SEC13: variants seen among roughly 807,000 people sequenced by gnomAD.
SEC13 encodes the protein protein SEC13 homolog.
Under a neutral mutation model 49.2 loss-of-function variants are expected in SEC13, and 25 were observed. That is an observed-to-expected ratio of 0.51 (90% CI 0.37 to 0.71). The LOEUF (loss-of-function observed/expected upper bound fraction) is 0.71, where lower values mean the gene tolerates loss of function less well. Ranked by LOEUF, SEC13 falls within the 30% of genes least tolerant of loss-of-function variation. The pLI, the probability that SEC13 is intolerant of heterozygous loss-of-function variation, is 0.00. For synonymous variants in SEC13, 148 were observed against 163.9 expected (o/e 0.90, Z 0.74); for missense variants, 383 against 417.6 (o/e 0.92, Z 0.72).
At chr3:10,309,843 A>G (rs1701139220) in intron 5 of SEC13, among the ~76,000 whole-genome samples, 1 of 152,246 alleles carries the variant, frequency 6.6e-6, no homozygotes, top group Admixed American at 6.5e-5. Flanking sequence ...GTCTAAGCTC[A>G]GAACTCTCCC....
intron 8 of SEC13, among the ~76,000 whole-genome samples, chr3:10,301,654 G>A (rs960716925): frequency 6.6e-6 from 1 of 152,210 alleles, no homozygotes; most frequent in African/African-American, 2.4e-5. Context: ...ATATGGGGTG[G>A]CGGGGAGCAG....
chr3:10,318,311 T>C (rs1237540254), intron 1 of SEC13, among the ~76,000 whole-genome samples: 1 of 152,098 alleles, frequency 6.6e-6, no homozygotes, highest in Non-Finnish European at 1.5e-5. Context: ...TCGCGAATAA[T>C]GCTAGTGTCG....
intron 5 of SEC13, among the ~76,000 whole-genome samples, chr3:10,307,519 T>C (rs541125434): frequency 6.6e-4 from 96 of 144,930 alleles, no homozygotes; most frequent in Non-Finnish European, 5.6e-4. Flanking sequence ...CTCACAATCA[T>C]GGCAGAAGGC....
intron 5 of SEC13, among the ~76,000 whole-genome samples, chr3:10,308,672 T>C (rs1389188331): frequency 2.0e-5 from 3 of 151,462 alleles, no homozygotes; most frequent in African/African-American, 7.3e-5. Flanking sequence ...CTGACAATAA[T>C]CTAATTGTCT....
chr3:10,306,191 T>G (rs1045196519), intron 5 of SEC13, among the ~76,000 whole-genome samples: 1 of 152,226 alleles, frequency 6.6e-6, no homozygotes, highest in Non-Finnish European at 1.5e-5. Flanking sequence ...ATTAAACATT[T>G]TTTTGGATGT....
chr3:10,314,137 A>ACG (rs1701458603), intron 3 of SEC13, among the ~76,000 whole-genome samples: 1 of 151,988 alleles, frequency 6.6e-6, no homozygotes, highest in African/African-American at 2.4e-5. Flanking sequence ...TTTTTTTGAG[A>ACG]AGGGTTTCAC....
At chr3:10,311,563 A>G (rs1200630102) in intron 5 of SEC13, 31 of 864,036 alleles carry the variant, frequency 3.6e-5, no homozygotes, top group Non-Finnish European at 4.2e-5. Context: ...AAGTTGGGTA[A>G]AGAATGACCT....
At chr3:10,312,126 C>G in intron 4 of SEC13, 28 bp from the exon 5 acceptor site, 1 of 1,567,694 alleles carries the variant, frequency 6.4e-7, no homozygotes, top group Non-Finnish European at 8.7e-7. Context: ...GTGCAGTGAG[C>G]AAAGCAGGGA....
At chr3:10,308,173 A>T (rs1000513850) in intron 5 of SEC13, among the ~76,000 whole-genome samples, 1 of 152,192 alleles carries the variant, frequency 6.6e-6, no homozygotes. Context: ...CATCACCTCA[A>T]TCAAGATAAG....
chr3:10,314,630 C>T (rs154236), intron 3 of SEC13, among the ~76,000 whole-genome samples: 104,501 of 152,056 alleles, frequency 0.69, 36,629 homozygotes, highest in East Asian at 0.96. Context: ...TGGAGATCCA[C>T]GGCACCCAGG....
In SEC13 at chr3:10,304,180, G is replaced by A; in HGVS notation, c.709-8C>T. 2.5e-6 allele frequency: 4 copies of A among 1,613,826 alleles called. No homozygotes were observed. The highest frequency in any genetic ancestry group is 3.4e-6 in the Non-Finnish European group (4 of 1,179,890). Reference sequence around the variant, plus strand: ...AATGAACACACGACCATCCTAGGAAGAAACAGGATAGAGTCAGGAGGTGGA... The same window carrying A: ...AATGAACACACGACCATCCTAGGAAAAAACAGGATAGAGTCAGGAGGTGGA... On this transcript the variant is annotated splice_region_variant and splice_polypyrimidine_tract_variant and intron_variant, in intron 7 of 8. Coordinates refer to ENST00000350697, the MANE Select transcript of SEC13 (RefSeq NM_183352.3).
At chr3:10,303,179 T>C (rs1380569497) in intron 8 of SEC13, among the ~76,000 whole-genome samples, 2 of 152,152 alleles carry the variant, frequency 1.3e-5, no homozygotes, top group Admixed American at 1.3e-4. Flanking sequence ...GGAGCCAAAG[T>C]GGCCACTGGG....
intron 5 of SEC13, among the ~76,000 whole-genome samples, chr3:10,309,228 C>T (rs536694352): frequency 1.3e-5 from 2 of 152,090 alleles, no homozygotes; most frequent in African/African-American, 4.8e-5. Flanking sequence ...TGAGCCACTG[C>T]GCCCGGCTGA....
At position 10,320,886 on chromosome 3, in the gene SEC13, G is replaced by A. The variant is rs11915380; in HGVS notation, c.3+164C>T. The A allele has an allele frequency of 3.4e-3, 4,908 of 1,426,566 alleles. 145 individuals are homozygous for A. The African/African-American group carries it at 0.064, about 19-fold the overall frequency. The allele number at this position is 1,426,566 out of a possible 1,614,324, so 88.4% of individuals were successfully genotyped here. A position where few individuals can be genotyped will look rare whatever the true frequency, so the allele number is the denominator to read the frequency against. On this transcript the variant is annotated intron_variant, in intron 1 of 8. Coordinates refer to ENST00000350697, the MANE Select transcript of SEC13 (RefSeq NM_183352.3). Reference sequence around the variant, plus strand: ...TCGGCCTCACCTCTGGACTCCCCTCGGAATGGTCCGCAAGGACGGGGCCAG... The same window carrying A: ...TCGGCCTCACCTCTGGACTCCCCTCAGAATGGTCCGCAAGGACGGGGCCAG...
intron 3 of SEC13, chr3:10,314,824 CATTCTTACATT>C (rs1187056934): frequency 6.5e-6 from 1 of 153,456 alleles, no homozygotes; most frequent in Non-Finnish European, 1.5e-5. Context: ...AAAATGATAG[CATTCTTACATT>C]ATTCTTACGG....
chr3:10,317,961 G>T, intron 2 of SEC13, 89 bp downstream of exon 2: 1 of 841,752 alleles, frequency 1.2e-6, no homozygotes, highest in South Asian at 1.5e-5. Flanking sequence ...ATGATCAACA[G>T]AAAGGGGTAA....
intron 5 of SEC13, among the ~76,000 whole-genome samples, chr3:10,307,212 CT>C (rs35883236): frequency 0.68 from 95,622 of 141,248 alleles, 32,610 homozygotes; most frequent in East Asian, 0.98. Flanking sequence ...GAGCCACTGC[CT>C]TTTTTTTTTT....
Position 10,300,944 on chromosome 3 carries a change from G to A in SEC13, c.*317C>T. The A allele has an allele frequency of 2.4e-6, 2 of 826,836 alleles. No homozygotes were observed. Among genetic ancestry groups the A allele is most frequent in the South Asian group, 1.7e-5 (1 of 58,626 alleles). The allele number at this position is 826,836 out of a possible 1,614,324, so 51.2% of individuals were successfully genotyped here. On this transcript the variant is annotated 3_prime_UTR_variant, in exon 9 of 9. Transcript: ENST00000350697. ...ACGCAGCAGGAATTATAAGCAATATGACTTTATTTAGTTCCTTTGGAAACA... is the reference window on the plus strand; with the variant it reads ...ACGCAGCAGGAATTATAAGCAATATAACTTTATTTAGTTCCTTTGGAAACA...
Position 10,301,355 on chromosome 3 carries a change from G to A in SEC13, c.875C>T (p.Ser292Leu), listed in dbSNP as rs1343427971. 4.3e-6 allele frequency: 7 copies of A among 1,614,028 alleles called. No individual in the cohort carries two copies. The East Asian group carries it at 1.6e-4, about 36-fold the overall frequency. ...GDNKVTLWKE[S>L]VDGQWVCISD... is the part of the protein sequence containing the mutation. ...GATGCACACCCACTGCCCATCAACT[G>A]ACTCCTTCCACAGGGTCACCTGCGA... The change falls in exon 9 of 9, where the codon TCA becomes TTA. Residue 292 changes from serine to leucine, a missense_variant. Transcript: ENST00000350697.
Sources: gnomAD v4.1 joint callset for allele counts (sites outside exome capture counted in the v4.1 genomes callset) on GRCh38, gnomAD v4.1.1 for gene constraint, MANE v1.5 for transcripts, NCBI Gene and HGNC (gene_info 2026-07-23, HGNC 2026-07-21) for gene names.